Variants in SLIT2 observed in about 807,000 individuals in gnomAD.
SLIT2 encodes slit homolog 2 protein.
In SLIT2, 41 loss-of-function variants were observed where a neutral mutation model predicts 185.7. The observed-to-expected ratio is 0.22, with a 90% confidence interval of 0.17 to 0.29. The LOEUF is 0.29. Among genes scored for constraint, SLIT2 ranks in the 10% least tolerant of loss-of-function variants. SLIT2 has a pLI of 1.00. For synonymous variants in SLIT2, 693 were observed against 680.2 expected (o/e 1.02, Z -0.29); for missense variants, 1,571 against 1,909.0 (o/e 0.82, Z 3.30).
In SLIT2 at chr4:20,472,357, T is replaced by TAG. The variant is rs1445180611; in HGVS notation, c.467+4534_467+4535insAG. Among the ~76,000 whole-genome samples, 18 of 24,566 alleles carry TAG rather than the reference T, an allele frequency of 7.3e-4. 2 individuals are homozygous for TAG. Among genetic ancestry groups the TAG allele is most frequent in the Non-Finnish European group, 9.0e-4 (13 of 14,408 alleles). 16.1% of individuals were successfully genotyped at this position (24,566 alleles called of 152,430 possible). ...ATAGATCTATATATAGATATAGATA[T>TAG]CTATATAGATATCTATATCTATATA... On this transcript the variant is annotated intron_variant, in intron 5 of 36. Coordinates refer to ENST00000504154, the MANE Select transcript of SLIT2 (RefSeq NM_004787.4).
intron 4 of SLIT2, among the ~76,000 whole-genome samples, chr4:20,442,984 G>A (rs1729888572): frequency 6.6e-6 from 1 of 152,076 alleles, no homozygotes; most frequent in Non-Finnish European, 1.5e-5. Flanking sequence ...TTTGCTAGTA[G>A]TTTAAAAGTG....
intron 12 of SLIT2, among the ~76,000 whole-genome samples, chr4:20,520,212 A>G (rs1425494847): frequency 6.6e-6 from 1 of 152,178 alleles, no homozygotes; most frequent in Non-Finnish European, 1.5e-5. Context: ...TAAATCAAAG[A>G]CCACTCTGAT....
intron 4 of SLIT2, among the ~76,000 whole-genome samples, chr4:20,407,798 T>G (rs1726891419): frequency 6.6e-6 from 1 of 152,172 alleles, no homozygotes; most frequent in Non-Finnish European, 1.5e-5. Context: ...AACTAAAAAT[T>G]TTTTTGGAAA....
Position 20,532,077 on chromosome 4 carries a change from A to AAT in SLIT2, c.1688+19_1688+20insAT. ...GTAAAATGTAAGTCACTTGTTAGCT[A>AAT]TTTTTTTTATTTCTGTAGCATTTTT... On this transcript the variant is annotated intron_variant, in intron 17 of 36. Transcript: ENST00000504154. 7.6e-7 allele frequency: 1 copy of AAT among 1,323,940 alleles called. No homozygotes were observed. Among genetic ancestry groups the AAT allele is most frequent in the Non-Finnish European group, 1.0e-6 (1 of 959,572 alleles). 82.0% of individuals were successfully genotyped at this position (1,323,940 alleles called of 1,614,324 possible).
At chr4:20,346,849 C>T (rs527764711) in intron 4 of SLIT2, among the ~76,000 whole-genome samples, 110 of 152,260 alleles carry the variant, frequency 7.2e-4, no homozygotes, top group African/African-American at 2.4e-3. Flanking sequence ...AAGATGAAGA[C>T]CGGAAGGATC....
intron 4 of SLIT2, among the ~76,000 whole-genome samples, chr4:20,416,685 C>T (rs4697165): frequency 0.088 from 13,413 of 152,094 alleles, 630 homozygotes; most frequent in African/African-American, 0.13. Context: ...TTTTAAAAGA[C>T]TATAAATCCC....
rs560445651 is a variant in SLIT2 at position 20,351,089 on chromosome 4, C to T, written c.395+82208C>T. ...TTGAGACTGAGTTTTGCCCTTGTTG[C>T]CCAGGCTGAAGTGCAATGCTGCAAT... On this transcript the variant is annotated intron_variant, in intron 4 of 36. Transcript: ENST00000504154. Among the ~76,000 whole-genome samples, 25 of 149,094 alleles carry T rather than the reference C, an allele frequency of 1.7e-4. No homozygotes were observed. In the South Asian group the frequency reaches 4.9e-3, roughly 29 times the overall value.
intron 16 of SLIT2, among the ~76,000 whole-genome samples, chr4:20,529,984 A>G (rs1721643132): frequency 6.6e-6 from 1 of 152,142 alleles, no homozygotes; most frequent in Non-Finnish European, 1.5e-5. Context: ...TTTATCTCTC[A>G]CTGTGCCTAT....
chr4:20,574,653 G>A (rs942060079), intron 29 of SLIT2, among the ~76,000 whole-genome samples: 10 of 152,000 alleles, frequency 6.6e-5, no homozygotes, highest in Admixed American at 2.6e-4. Flanking sequence ...AGGGCGTTGC[G>A]GCACAAGCTT....
At chr4:20,444,656 A>G (rs1711573572) in intron 4 of SLIT2, among the ~76,000 whole-genome samples, 1 of 152,198 alleles carries the variant, frequency 6.6e-6, no homozygotes, top group African/African-American at 2.4e-5. Context: ...GGTGCAATAA[A>G]TCCTTGCTAT....
At chr4:20,329,644 T>G (rs562004193) in intron 4 of SLIT2, among the ~76,000 whole-genome samples, 2 of 152,206 alleles carry the variant, frequency 1.3e-5, no homozygotes, top group East Asian at 3.9e-4. Flanking sequence ...GATTGGAAAG[T>G]GGATTTTGCT....
intron 9 of SLIT2, among the ~76,000 whole-genome samples, chr4:20,492,336 A>G (rs1278068250): frequency 6.6e-6 from 1 of 152,236 alleles, no homozygotes; most frequent in Non-Finnish European, 1.5e-5. Context: ...TTTTGTTTGA[A>G]TTGATAGTTC....
chr4:20,264,567 A>G (rs1318273155), intron 3 of SLIT2, among the ~76,000 whole-genome samples: 1 of 151,910 alleles, frequency 6.6e-6, no homozygotes, highest in Non-Finnish European at 1.5e-5. Flanking sequence ...GACCTCTGCT[A>G]AAGGACAAGA....
intron 29 of SLIT2, among the ~76,000 whole-genome samples, chr4:20,584,260 C>A (rs2168802): frequency 1.3e-5 from 2 of 151,994 alleles, no homozygotes; most frequent in Admixed American, 6.5e-5. Flanking sequence ...TGCATACAAC[C>A]GTAGAAGGCC....
At chr4:20,335,111 G>A (rs929594552) in intron 4 of SLIT2, among the ~76,000 whole-genome samples, 1 of 152,188 alleles carries the variant, frequency 6.6e-6, no homozygotes, top group Non-Finnish European at 1.5e-5. Flanking sequence ...CCCAGTGAGA[G>A]TTGATGTTGA....
At chr4:20,432,239 GTC>G (rs1264471938) in intron 4 of SLIT2, among the ~76,000 whole-genome samples, 4 of 151,996 alleles carry the variant, frequency 2.6e-5, no homozygotes, top group African/African-American at 9.7e-5. Context: ...CTCTCTTTTT[GTC>G]TCTCTCTTTA....
At chr4:20,355,014 C>G (rs1722210432) in intron 4 of SLIT2, among the ~76,000 whole-genome samples, 1 of 151,818 alleles carries the variant, frequency 6.6e-6, no homozygotes, top group Non-Finnish European at 1.5e-5. Flanking sequence ...TACCTTTCCT[C>G]ATTTTTAAGT....
At chr4:20,503,475 G>A (rs939950365) in intron 9 of SLIT2, among the ~76,000 whole-genome samples, 3 of 151,824 alleles carry the variant, frequency 2.0e-5, no homozygotes, top group Non-Finnish European at 4.4e-5. Flanking sequence ...TTTCTTTCTT[G>A]GGTTGATTTA....
intron 4 of SLIT2, among the ~76,000 whole-genome samples, chr4:20,308,714 C>A (rs1050732261): frequency 1.3e-5 from 2 of 151,992 alleles, no homozygotes; most frequent in Admixed American, 1.3e-4. Flanking sequence ...AATTTTTGTA[C>A]ATATGGGTAT....
Sources: allele counts gnomAD v4.1 joint callset (sites outside exome capture counted in the v4.1 genomes callset), GRCh38; gene constraint gnomAD v4.1.1; transcripts MANE v1.5; gene names NCBI Gene and HGNC (gene_info 2026-07-23, HGNC 2026-07-21).